ALG1L2: variants seen among roughly 807,000 people sequenced by gnomAD.
The protein encoded by ALG1L2 is putative glycosyltransferase ALG1L2.
Under a neutral mutation model 29.0 loss-of-function variants are expected in ALG1L2, and 32 were observed. The observed-to-expected ratio is 1.10, with a 90% CI of 0.83 to 1.48. ALG1L2 has a LOEUF of 1.48. ALG1L2 is among the 40% of genes most tolerant of loss of function. ALG1L2 has a pLI of 0.00. For synonymous variants in ALG1L2, 110 were observed against 109.5 expected (o/e 1.00, Z -0.03); for missense variants, 318 against 274.1 (o/e 1.16, Z -1.13).
rs368525695 is a variant in ALG1L2 at position 130,095,689 on chromosome 3, G to A, written c.425-360G>A. Among the ~76,000 whole-genome samples, 81 of 151,984 alleles carry A rather than the reference G, an allele frequency of 5.3e-4. 3 individuals are homozygous for A. In the South Asian group the frequency reaches 5.8e-3, roughly 11 times the overall value. On this transcript the variant is annotated intron_variant, in intron 5 of 7. Transcript: ENST00000425059. The stretch of plus-strand genomic sequence containing the variant: ...ACTCCTGACCTCAGGTGATCCGCCC[G>A]CCTTGGCCTCCCAAAATGCTGGGAT...
intron 5 of ALG1L2, among the ~76,000 whole-genome samples, chr3:130,094,918 C>A (rs1178063619): frequency 6.6e-6 from 1 of 152,188 alleles, no homozygotes; most frequent in Non-Finnish European, 1.5e-5. Flanking sequence ...GTCTCTTTCC[C>A]CATTGATTTC....
At position 130,083,661 on chromosome 3, in the gene ALG1L2, T is replaced by A. The variant is rs1401352623; in HGVS notation, c.20+1625T>A. On this transcript the variant is annotated intron_variant, in intron 1 of 7. Transcript: ENST00000425059. ...TGCTAGTAATTTAAAATGTTAACTT[T>A]TTTTTTACTTGGAAGGACATTAAAT... Among the ~76,000 whole-genome samples the A allele has an allele frequency of 9.5e-5, 13 of 137,086 alleles. No homozygotes were observed. The East Asian group carries it at 2.4e-3, about 26-fold the overall frequency. The allele number at this position is 137,086 out of a possible 152,430, so 89.9% of individuals were successfully genotyped here.
chr3:130,091,127 AC>A, intron 1 of ALG1L2, 133 bp from the exon 2 acceptor site: 1 of 818,514 alleles, frequency 1.2e-6, no homozygotes, highest in Non-Finnish European at 1.9e-6. Context: ...ATTTCTGGAA[AC>A]CAGGAAGAAG....
intron 5 of ALG1L2, 64 bp downstream of exon 5, chr3:130,094,577 C>CAACGGGGGGGGGG: frequency 3.5e-6 from 1 of 286,992 alleles, no homozygotes; most frequent in Non-Finnish European, 6.5e-6. Context: ...CAGGGGTGGG[C>CAACGGGGGGGGGG]GGGGTGTACC....
At position 130,084,672 on chromosome 3, in the gene ALG1L2, CTACA is replaced by C. The variant is rs570143713; in HGVS notation, c.20+2637_20+2640del. ...ATACCACAAGCTGGATGGCTTAGAACTACAGAAATGCATCGTCTTACACCTGCAG... is the reference window on the plus strand; with the variant it reads ...ATACCACAAGCTGGATGGCTTAGAACGAAATGCATCGTCTTACACCTGCAG... On this transcript the variant is annotated intron_variant, in intron 1 of 7. Transcript: ENST00000425059. Among the ~76,000 whole-genome samples, 90 of 130,736 alleles carry C rather than the reference CTACA, an allele frequency of 6.9e-4. 9 individuals carry two copies. The East Asian group carries it at 0.018, about 26-fold the overall frequency. 85.8% of individuals were successfully genotyped at this position (130,736 alleles called of 152,430 possible).
chr3:130,098,048 C>T (rs1381849541), intron 7 of ALG1L2, among the ~76,000 whole-genome samples, 175 bp from the exon 8 acceptor site: 4 of 149,616 alleles, frequency 2.7e-5, no homozygotes, highest in Admixed American at 6.6e-5. Flanking sequence ...GGGGAAGTTT[C>T]CAGAAAGCAT....
chr3:130,081,870 C>A lies in ALG1L2; in HGVS notation c.-147C>A, dbSNP rs1200991633. ...CAGGAGGTAACCAGGTGGAAATCACCCTCAAGTAGCAGAGACAGGTGTGCA... is the reference window on the plus strand; with the variant it reads ...CAGGAGGTAACCAGGTGGAAATCACACTCAAGTAGCAGAGACAGGTGTGCA... On this transcript the variant is annotated 5_prime_UTR_variant, in exon 1 of 8. Transcript: ENST00000425059. 107 of 1,119,040 alleles carry A rather than the reference C, an allele frequency of 9.6e-5. No homozygotes were observed. The South Asian group carries it at 1.4e-3, about 15-fold the overall frequency. 69.3% of individuals were successfully genotyped at this position (1,119,040 alleles called of 1,614,324 possible). A position where few individuals can be genotyped will look rare whatever the true frequency, so the allele number is the denominator to read the frequency against.
chr3:130,085,032 C>T lies in ALG1L2; in HGVS notation c.20+2996C>T, dbSNP rs1276982211. Among the ~76,000 whole-genome samples the T allele has an allele frequency of 1.5e-5, 2 of 131,030 alleles. 1 individual carries two copies. Among genetic ancestry groups the T allele is most frequent in the Non-Finnish European group, 3.5e-5 (2 of 56,810 alleles). The allele number at this position is 131,030 out of a possible 152,430, so 86.0% of individuals were successfully genotyped here. ...GGAGTGCGGTGGTGCAATCTTGGCT[C>T]ACTGTCACTTCCGCCTCCCGGGTTC... On this transcript the variant is annotated intron_variant, in intron 1 of 7. Transcript: ENST00000425059.
In ALG1L2 at chr3:130,089,130, G is replaced by A. The variant is rs565546946; in HGVS notation, c.21-2131G>A. ...GACGAAATTCTGGGAGGGTTCTTGG[G>A]AAAGGGGCTAGAGAAGGCAAGAGGA... On this transcript the variant is annotated intron_variant, in intron 1 of 7. Coordinates refer to ENST00000425059, the MANE Select transcript of ALG1L2 (RefSeq NM_001136152.1). Among the ~76,000 whole-genome samples, 5 of 152,402 alleles carry A rather than the reference G, an allele frequency of 3.3e-5. No individual in the cohort carries two copies. In the East Asian group the frequency reaches 9.6e-4, roughly 29 times the overall value.
At chr3:130,094,120 G>C (rs558872845) in intron 4 of ALG1L2, 1 of 469,498 alleles carries the variant, frequency 2.1e-6, no homozygotes, top group East Asian at 4.0e-5. Flanking sequence ...CCACCCAGTG[G>C]GTGGTCGCGT....
chr3:130,091,663 G>C, intron 2 of ALG1L2: 1 of 541,212 alleles, frequency 1.8e-6, no homozygotes, highest in Non-Finnish European at 3.3e-6. Flanking sequence ...AATGTTAAAG[G>C]GTCTTACTCT....
intron 6 of ALG1L2, among the ~76,000 whole-genome samples, chr3:130,096,807 T>C (rs554280902): frequency 1.1e-3 from 166 of 152,290 alleles, no homozygotes; most frequent in Middle Eastern, 6.8e-3. Context: ...AAATCTGGTG[T>C]CCTAGAAAAG....
chr3:130,093,382 A>G (rs1262214835), intron 4 of ALG1L2, among the ~76,000 whole-genome samples: 1 of 150,522 alleles, frequency 6.6e-6, no homozygotes, highest in Non-Finnish European at 1.5e-5. Flanking sequence ...CAAGCTTTCT[A>G]CTTTTTCAGT....
At position 130,095,410 on chromosome 3, in the gene ALG1L2, TTATTATTATTATTATTATTATTA is replaced by T. The variant is rs1935108713; in HGVS notation, c.425-637_425-615del. 9.9e-5 allele frequency among the ~76,000 whole-genome samples: 8 copies of T among 80,852 alleles called. No individual in the cohort carries two copies. In the South Asian group the frequency reaches 1.2e-3, roughly 12 times the overall value. 53.0% of individuals were successfully genotyped at this position (80,852 alleles called of 152,430 possible). A position where few individuals can be genotyped will look rare whatever the true frequency, so the allele number is the denominator to read the frequency against. ...TGGTTTGTGGTGGGTGTGCTGTGGT[TTATTATTATTATTATTATTATTA>T]TTATTATTATTATTATTTTGAGACG... On this transcript the variant is annotated intron_variant, in intron 5 of 7. Coordinates refer to ENST00000425059, the MANE Select transcript of ALG1L2 (RefSeq NM_001136152.1).
chr3:130,096,013 G>T lies in ALG1L2; in HGVS notation c.425-36G>T, dbSNP rs375169205. On this transcript the variant is annotated intron_variant, in intron 5 of 7. Coordinates refer to ENST00000425059, the MANE Select transcript of ALG1L2 (RefSeq NM_001136152.1). Reference sequence around the variant, plus strand: ...GGAGGATTTGTGTTCCCGGGGCAGAGACCAGCGCTCTGGCCACACCCCTCT... The same window carrying T: ...GGAGGATTTGTGTTCCCGGGGCAGATACCAGCGCTCTGGCCACACCCCTCT... The T allele has an allele frequency of 1.9e-3, 3,060 of 1,581,156 alleles. 48 individuals are homozygous for T. The African/African-American group carries it at 0.035, about 18-fold the overall frequency.
At position 130,093,145 on chromosome 3, in the gene ALG1L2, G is replaced by A. The variant is rs370245000; in HGVS notation, c.298G>A (p.Val100Ile). ...TLDGQNLPSL[V>I]CVITGKGPLR... is the part of the protein sequence containing the mutation. ...TGACGGACAGAACCTTCCTTCTCTCGTCTGTGTGATAACAGGTACTGCCTG... is the reference window on the plus strand; with the variant it reads ...TGACGGACAGAACCTTCCTTCTCTCATCTGTGTGATAACAGGTACTGCCTG... The change falls in exon 4 of 8, where the codon GTC (valine) becomes ATC (isoleucine). Residue 100 changes from valine (V) to isoleucine (I), a missense_variant. Val to Ile is a conservative substitution (Grantham distance 29). Transcript: ENST00000425059. The A allele has an allele frequency of 1.9e-5, 31 of 1,609,856 alleles. No homozygotes were observed. Among genetic ancestry groups the A allele is most frequent in the East Asian group, 1.3e-4 (6 of 44,798 alleles).
intron 1 of ALG1L2, among the ~76,000 whole-genome samples, chr3:130,082,724 G>T (rs144927904): frequency 6.7e-6 from 1 of 148,894 alleles, no homozygotes; most frequent in East Asian, 1.9e-4. Context: ...AGTTACCCCC[G>T]TCCCTTGCCA....
intron 3 of ALG1L2, 94 bp downstream of exon 3, chr3:130,092,316 C>T (rs1384603457): frequency 5.0e-6 from 8 of 1,590,410 alleles, no homozygotes; most frequent in African/African-American, 1.3e-5. Flanking sequence ...ATGCCCCAAC[C>T]CCACCACGGT....
chr3:130,095,512 T>A (rs555473693), intron 5 of ALG1L2, among the ~76,000 whole-genome samples: 2 of 151,940 alleles, frequency 1.3e-5, no homozygotes, highest in Non-Finnish European at 2.9e-5. Flanking sequence ...CTTGGCTCAC[T>A]GCAACCTCTT....
Sources: allele counts gnomAD v4.1 joint callset (sites outside exome capture counted in the v4.1 genomes callset), GRCh38; gene constraint gnomAD v4.1.1; transcripts MANE v1.5; gene names NCBI Gene and HGNC (gene_info 2026-07-23, HGNC 2026-07-21).